The following DPF3 variants were observed in gnomAD, a reference collection of about 807,000 sequenced individuals.
DPF3 encodes double PHD fingers 3.
Under a neutral mutation model 56.8 loss-of-function variants are expected in DPF3, and 18 were observed. That is an observed-to-expected ratio of 0.32 (90% confidence interval 0.22 to 0.47). The LOEUF is 0.47. DPF3 is among the 20% of genes least tolerant of loss of function. The pLI is 1.00. For synonymous variants in DPF3, 188 were observed against 180.2 expected (o/e 1.04, Z -0.35); for missense variants, 403 against 488.8 (o/e 0.82, Z 1.65).
intron 1 of DPF3, among the ~76,000 whole-genome samples, chr14:72,799,941 G>A (rs1313976673): frequency 6.6e-6 from 1 of 152,122 alleles, no homozygotes; most frequent in Non-Finnish European, 1.5e-5. Flanking sequence ...CCCCTAGACC[G>A]AGTCACGAGT....
chr14:72,876,839 T>C (rs1886136521), intron 1 of DPF3, among the ~76,000 whole-genome samples: 1 of 152,262 alleles, frequency 6.6e-6, no homozygotes, highest in Admixed American at 6.5e-5. Context: ...GCTGATCGTT[T>C]AGCGCAGCTA....
At chr14:72,871,087 G>A (rs996002210) in intron 1 of DPF3, among the ~76,000 whole-genome samples, 17 of 152,316 alleles carry the variant, frequency 1.1e-4, no homozygotes, top group East Asian at 5.8e-4. Flanking sequence ...AGATAAACCC[G>A]TCAGATCTTG....
rs550655989 is a variant in DPF3, at chr14:72,753,489, T to C, written c.194-118A>G. 8.8e-5 allele frequency: 69 copies of C among 787,344 alleles called. No individual in the cohort carries two copies. The East Asian group carries it at 2.0e-3, about 23-fold the overall frequency. The allele number at this position is 787,344 out of a possible 1,614,324, so 48.8% of individuals were successfully genotyped here. On this transcript the variant is annotated intron_variant, in intron 2 of 10. Coordinates refer to ENST00000556509, the MANE Select transcript of DPF3 (RefSeq NM_001280542.3). ...AAGCTGAAGCCCAGAGAGAAGTGAC[T>C]TGTCAACATCACAAAGCTGATTGCT...
At chr14:72,637,348 C>A (rs1885413449) in intron 8 of DPF3, among the ~76,000 whole-genome samples, 2 of 152,236 alleles carry the variant, frequency 1.3e-5, no homozygotes, top group South Asian at 4.1e-4. Flanking sequence ...TTACTCGACT[C>A]AACTTGGGGC....
chr14:72,812,161 T>A (rs1374872896), intron 1 of DPF3, among the ~76,000 whole-genome samples: 1 of 152,034 alleles, frequency 6.6e-6, no homozygotes, highest in Non-Finnish European at 1.5e-5. Flanking sequence ...GATACCAGTG[T>A]AGTCCCCCAC....
intron 8 of DPF3, among the ~76,000 whole-genome samples, chr14:72,646,369 C>T (rs778583550): frequency 5.3e-5 from 8 of 152,170 alleles, no homozygotes; most frequent in Non-Finnish European, 1.2e-4. Flanking sequence ...TAAGTGGAGT[C>T]CACCTGACTC....
At chr14:72,707,990 A>G (rs926432115) in intron 6 of DPF3, among the ~76,000 whole-genome samples, 26 of 152,244 alleles carry the variant, frequency 1.7e-4, no homozygotes, top group Non-Finnish European at 5.9e-5. Context: ...CACCTCTACA[A>G]TGGTTAATAT....
At chr14:72,716,942 G>A (rs553390288) in intron 5 of DPF3, among the ~76,000 whole-genome samples, 2 of 152,134 alleles carry the variant, frequency 1.3e-5, no homozygotes, top group Admixed American at 6.5e-5. Flanking sequence ...CCACCCTAAC[G>A]GGGGATCTAC....
At chr14:72,655,290 T>C (rs976323668) in intron 8 of DPF3, among the ~76,000 whole-genome samples, 1 of 152,146 alleles carries the variant, frequency 6.6e-6, no homozygotes, top group African/African-American at 2.4e-5. Flanking sequence ...ATGTAACATA[T>C]ATAAATATAA....
chr14:72,779,428 A>G (rs1379796328), intron 1 of DPF3, among the ~76,000 whole-genome samples: 4 of 152,220 alleles, frequency 2.6e-5, no homozygotes, highest in African/African-American at 9.6e-5. Context: ...TAGTCTTTCA[A>G]ACTCCTCAGT....
intron 1 of DPF3, among the ~76,000 whole-genome samples, chr14:72,821,131 CTCAAAA>C: frequency 8.1e-6 from 1 of 123,246 alleles, no homozygotes; most frequent in African/African-American, 2.7e-5. Flanking sequence ...GAAACTCTAT[CTCAAAA>C]AAAAAAAAAA....
At chr14:72,870,572 C>T (rs750893330) in intron 1 of DPF3, among the ~76,000 whole-genome samples, 1 of 152,196 alleles carries the variant, frequency 6.6e-6, no homozygotes, top group Admixed American at 6.5e-5. Flanking sequence ...TTCTTGAAGA[C>T]TCTTTAACAC....
intron 1 of DPF3, among the ~76,000 whole-genome samples, chr14:72,830,156 A>G (rs1883992910): frequency 6.6e-6 from 1 of 152,214 alleles, no homozygotes; most frequent in African/African-American, 2.4e-5. Flanking sequence ...TTGAATACAT[A>G]TCCCCAAAGT....
At chr14:72,892,181 G>C in intron 1 of DPF3, 1 of 1,535,454 alleles carries the variant, frequency 6.5e-7, no homozygotes, top group Non-Finnish European at 8.7e-7. Flanking sequence ...TCTAACTTGA[G>C]TTTACCAGGT....
At chr14:72,731,723 T>A (rs1043281929) in intron 4 of DPF3, 84 bp downstream of exon 4, 5 of 1,569,276 alleles carry the variant, frequency 3.2e-6, no homozygotes, top group Non-Finnish European at 3.5e-6. Flanking sequence ...GAGGGGAGGA[T>A]CTGGAGCCAA....
chr14:72,655,515 T>A (rs1348772818), intron 8 of DPF3, among the ~76,000 whole-genome samples: 2 of 152,234 alleles, frequency 1.3e-5, no homozygotes, highest in African/African-American at 4.8e-5. Context: ...GGAATTCAGA[T>A]GGAGTTTCAG....
chr14:72,834,244 G>T (rs60759050), intron 1 of DPF3, among the ~76,000 whole-genome samples: 1 of 151,556 alleles, frequency 6.6e-6, no homozygotes, highest in Admixed American at 6.6e-5. Context: ...CGCCTGTAAC[G>T]CCAACACTTT....
chr14:72,835,558 C>A (rs1441001448), intron 1 of DPF3, among the ~76,000 whole-genome samples: 1 of 152,192 alleles, frequency 6.6e-6, no homozygotes, highest in Non-Finnish European at 1.5e-5. Context: ...GCTGGGGAAG[C>A]AGTTTCTCCA....
chr14:72,737,495 G>C (rs759907835), intron 3 of DPF3, among the ~76,000 whole-genome samples: 1 of 152,178 alleles, frequency 6.6e-6, no homozygotes, highest in African/African-American at 2.4e-5. Context: ...CAAACGCCAC[G>C]AATGTCATGA....
Sources: gnomAD v4.1 joint callset for allele counts (sites outside exome capture counted in the v4.1 genomes callset) on GRCh38, gnomAD v4.1.1 for gene constraint, MANE v1.5 for transcripts, NCBI Gene and HGNC (gene_info 2026-07-23, HGNC 2026-07-21) for gene names.